The following MUC12 variants were observed in gnomAD, a reference collection of about 807,000 sequenced individuals.
MUC12 encodes mucin 12, cell surface associated, also known as mucin-12.
A neutral mutation model predicts 230.8 loss-of-function variants in MUC12; 172 were observed. The ratio of observed to expected loss-of-function variants is 0.75; its 90% CI spans 0.66 to 0.85. The LOEUF is 0.85. MUC12 is among the 40% of genes least tolerant of loss of function. The pLI, the probability that MUC12 is intolerant of heterozygous loss-of-function variation, is 0.00. For missense variants in MUC12, 3,506 were observed against 5,920.6 expected (o/e 0.59, Z 13.38); for synonymous variants, 1,259 against 2,401.9 (o/e 0.52, Z 13.91).
Position 100,992,564 on chromosome 7 carries a change from A to C in MUC12, c.2001A>C (p.Ser667=), listed in dbSNP as rs1372650308. 3 of 1,537,964 alleles carry C rather than the reference A, an allele frequency of 2.0e-6. No homozygotes were observed. Among genetic ancestry groups the C allele is most frequent in the Non-Finnish European group, 2.6e-6 (3 of 1,147,068 alleles). Residue 667 remains serine, a synonymous_variant, in exon 2 of 12, where the codon TCA becomes TCC. Coordinates refer to ENST00000536621, the MANE Select transcript of MUC12 (RefSeq NM_001164462.2). ...CAACCTCCCACGGCAGCCCGAGCTCAATTCCAACAACCCACATTTCTGCCC... is the reference window on the plus strand; with the variant it reads ...CAACCTCCCACGGCAGCCCGAGCTCCATTCCAACAACCCACATTTCTGCCC... The part of the protein sequence containing the change: ...PSTTSHGSPS[S]IPTTHISARS...
At chr7:100,970,623 T>C (rs2116247525) in intron 1 of MUC12, among the ~76,000 whole-genome samples, 1 of 152,146 alleles carries the variant, frequency 6.6e-6, no homozygotes, top group East Asian at 1.9e-4. Context: ...CCTGCAATCC[T>C]AGCACTTTGG....
chr7:101,009,746 G>A (rs116332309), intron 5 of MUC12, among the ~76,000 whole-genome samples: 6,464 of 152,206 alleles, frequency 0.042, 439 homozygotes, highest in African/African-American at 0.15. Flanking sequence ...GGGAAGGGAA[G>A]GAGAGGCAGT....
chr7:100,980,083 G>C (rs1793083532), intron 1 of MUC12, among the ~76,000 whole-genome samples: 1 of 150,542 alleles, frequency 6.6e-6, no homozygotes, highest in Non-Finnish European at 1.5e-5. Flanking sequence ...TCGCTCTGTT[G>C]CCCAGGCTGG....
intron 10 of MUC12, among the ~76,000 whole-genome samples, chr7:101,016,018 A>C (rs2116365278): frequency 6.6e-6 from 1 of 152,252 alleles, no homozygotes; most frequent in East Asian, 1.9e-4. Flanking sequence ...CTGGGTGGGG[A>C]TAGGGGGTCA....
At position 101,004,590 on chromosome 7, in the gene MUC12, C is replaced by A. The variant is rs1257331316; in HGVS notation, c.14027C>A (p.Thr4676Asn). 16 of 1,536,840 alleles carry A rather than the reference C, an allele frequency of 1.0e-5. No individual in the cohort carries two copies. The East Asian group carries it at 3.9e-4, about 38-fold the overall frequency. Residue 4676 changes from threonine to asparagine, a missense_variant, in exon 2 of 12, where the codon ACC (threonine) becomes AAC (asparagine). Thr to Asn is a moderately conservative substitution (Grantham distance 65, BLOSUM62 0). Transcript: ENST00000536621. ...ACACACTTTCCTGAGAGCTCCACAA[C>A]CTCCGGCCGTAGTGAGGAATCAACA... ...ATTHFPESST[T>N]SGRSEESTAS...
At chr7:101,017,474 G>A in intron 10 of MUC12, 101 bp from the exon 11 acceptor site, 2 of 747,390 alleles carry the variant, frequency 2.7e-6, no homozygotes, top group Non-Finnish European at 4.4e-6. Context: ...GCGTAGGGCA[G>A]ATGCCGGGCT....
chr7:100,975,536 G>C (rs1350423244), intron 1 of MUC12, among the ~76,000 whole-genome samples: 1 of 152,308 alleles, frequency 6.6e-6, no homozygotes, highest in Non-Finnish European at 1.5e-5. Flanking sequence ...AACACCAAAG[G>C]CTGGCTCTGC....
rs965094626 is a variant in MUC12, at chr7:101,012,341, C to T, written c.15297C>T (p.Asp5099=). ...AGAACGATGTCATCCTGGAGGCAGA[C>T]TACACTTTAGAGTATGAGGAACTGT... is the stretch of plus-strand genomic sequence containing the variant. The part of the protein sequence containing the change: ...VVKNDVILEA[D]YTLEYEELFE... Residue 5099 remains aspartate, a synonymous_variant, in exon 6 of 12, where the codon GAC becomes GAT. Transcript: ENST00000536621. 2.0e-6 allele frequency: 3 copies of T among 1,537,292 alleles called. No homozygotes were observed. The African/African-American group carries it at 4.1e-5, about 21-fold the overall frequency.
At chr7:100,972,491 G>A (rs76191600) in intron 1 of MUC12, among the ~76,000 whole-genome samples, 1 of 149,796 alleles carries the variant, frequency 6.7e-6, no homozygotes, top group African/African-American at 2.5e-5. Context: ...GATCAGAGAC[G>A]ATCAGTGGCA....
Position 100,989,867 on chromosome 7 carries a change from A to C in MUC12, c.68-764A>C, listed in dbSNP as rs1584829815. Among the ~76,000 whole-genome samples the C allele has an allele frequency of 2.0e-5, 3 of 151,926 alleles. No homozygotes were observed. The South Asian group carries it at 6.2e-4, about 31-fold the overall frequency. On this transcript the variant is annotated intron_variant, in intron 1 of 11. Transcript: ENST00000536621. ...CACCACACCTGGCTAATTTTTTTGT[A>C]TTTTTAATAGAGATGGGGTTTCACT...
chr7:101,009,958 C>T (rs1793815784), intron 5 of MUC12, among the ~76,000 whole-genome samples: 1 of 152,174 alleles, frequency 6.6e-6, no homozygotes, highest in Non-Finnish European at 1.5e-5. Flanking sequence ...AGTGTCTGGT[C>T]TGCAGAGTAG....
At position 100,995,722 on chromosome 7, in the gene MUC12, C is replaced by T. The variant is rs564180911; in HGVS notation, c.5159C>T (p.Pro1720Leu). Residue 1720 changes from proline (P) to leucine (L), a missense_variant, in exon 2 of 12, where the codon CCG becomes CTG. Transcript: ENST00000536621. The part of the protein sequence containing the change: ...VELSTTSHGS[P>L]SSTPTTHFSA... ...CTATCTACAACCTCCCACGGCAGCC[C>T]GAGCTCAACTCCAACAACCCACTTT... 2.0e-5 allele frequency: 30 copies of T among 1,536,048 alleles called. No homozygotes were observed. In the East Asian group the frequency reaches 2.7e-4, roughly 14 times the overall value.
chr7:101,004,479 A>C lies in MUC12; in HGVS notation c.13916A>C (p.His4639Pro), dbSNP rs1296842238. The change falls in exon 2 of 12, where the codon CAC becomes CCC. Residue 4639 changes from histidine to proline, a missense_variant. By Grantham distance (77) the His-to-Pro change is moderately conservative. Coordinates refer to ENST00000536621, the MANE Select transcript of MUC12 (RefSeq NM_001164462.2). ...ESRTSHSSTT[H>P]TISSPPSTTS... ...AGAACTTCCCACAGCAGCACAACAC[A>C]CACAATATCTTCACCTCCTAGCACC... The C allele has an allele frequency of 6.5e-7, 1 of 1,528,362 alleles. No individual in the cohort carries two copies. The highest frequency in any genetic ancestry group is 8.7e-7 in the Non-Finnish European group (1 of 1,144,756). 94.7% of individuals were successfully genotyped at this position (1,528,362 alleles called of 1,614,324 possible). A position where few individuals can be genotyped will look rare whatever the true frequency, so the allele number is the denominator to read the frequency against.
chr7:101,005,192 C>A lies in MUC12; in HGVS notation c.14629C>A (p.Gln4877Lys). ...CAACACAATGTCCATTCATAGTCAACAATCTACACCCTTCCCTGACAGCCC... is the reference window on the plus strand; with the variant it reads ...CAACACAATGTCCATTCATAGTCAAAAATCTACACCCTTCCCTGACAGCCC... ...HSNTMSIHSQQSTPFPDSPGF... is the reference protein window; with the variant it reads ...HSNTMSIHSQKSTPFPDSPGF... The change falls in exon 2 of 12, where the codon CAA becomes AAA. Residue 4877 changes from glutamine to lysine, a missense_variant. Transcript: ENST00000536621. 6.5e-7 allele frequency: 1 copy of A among 1,537,460 alleles called. No individual in the cohort carries two copies. Among genetic ancestry groups the A allele is most frequent in the South Asian group, 1.2e-5 (1 of 84,014 alleles).
chr7:101,013,506 A>T (rs934221969), intron 8 of MUC12, among the ~76,000 whole-genome samples: 2 of 152,064 alleles, frequency 1.3e-5, no homozygotes, highest in African/African-American at 4.8e-5. Context: ...CCCTTATGTC[A>T]TCTCTGCCAT....
chr7:100,973,173 G>A, intron 1 of MUC12: 1 of 616,860 alleles, frequency 1.6e-6, no homozygotes, highest in East Asian at 2.7e-5. Context: ...GCCATTGAGA[G>A]GCACCCAAAG....
chr7:101,004,485 T>C lies in MUC12; in HGVS notation c.13922T>C (p.Ile4641Thr), dbSNP rs1299793813. The change falls in exon 2 of 12, where the codon ATA becomes ACA. Residue 4641 changes from isoleucine to threonine, a missense_variant. Ile to Thr is a moderately conservative substitution (Grantham distance 89). Coordinates refer to ENST00000536621, the MANE Select transcript of MUC12 (RefSeq NM_001164462.2). ...TCCCACAGCAGCACAACACACACAA[T>C]ATCTTCACCTCCTAGCACCACATCT... ...RTSHSSTTHT[I>T]SSPPSTTSAL... is the part of the protein sequence containing the mutation. 20 of 1,528,160 alleles carry C rather than the reference T, an allele frequency of 1.3e-5. No individual in the cohort carries two copies. Among genetic ancestry groups the C allele is most frequent in the South Asian group, 2.4e-5 (2 of 83,496 alleles). The allele number at this position is 1,528,160 out of a possible 1,614,324, so 94.7% of individuals were successfully genotyped here. A position where few individuals can be genotyped will look rare whatever the true frequency, so the allele number is the denominator to read the frequency against.
Position 101,011,369 on chromosome 7 carries a change from C to T in MUC12, c.15252-927C>T, listed in dbSNP as rs183717775. On this transcript the variant is annotated intron_variant, in intron 5 of 11. Coordinates refer to ENST00000536621, the MANE Select transcript of MUC12 (RefSeq NM_001164462.2). ...TGCCTTGTCTCAAGATCTCTCCCCC[C>T]AGCTGCATCATTGGCTATTGAAGGA... Among the ~76,000 whole-genome samples the T allele has an allele frequency of 4.6e-5, 7 of 152,286 alleles. No homozygotes were observed. The South Asian group carries it at 8.3e-4, about 18-fold the overall frequency.
At chr7:100,984,369 GC>G (rs1478808455) in intron 1 of MUC12, among the ~76,000 whole-genome samples, 29 of 151,020 alleles carry the variant, frequency 1.9e-4, no homozygotes, top group African/African-American at 7.1e-4. Context: ...CGATTCTCCT[GC>G]CCCAGCCGCC....
Sources: gnomAD v4.1 joint callset for allele counts (sites outside exome capture counted in the v4.1 genomes callset) on GRCh38, gnomAD v4.1.1 for gene constraint, MANE v1.5 for transcripts, NCBI Gene and HGNC (gene_info 2026-07-23, HGNC 2026-07-21) for gene names.